Variants in CCDC170 observed in about 807,000 individuals in gnomAD.
CCDC170 encodes the protein coiled-coil domain-containing protein 170.
CCDC170 carries 69 observed loss-of-function variants against 72.6 expected under a neutral mutation model. The ratio of observed to expected loss-of-function variants is 0.95; its 90% confidence interval spans 0.78 to 1.16. The LOEUF (loss-of-function observed/expected upper bound fraction) is 1.16. Among genes scored for constraint, CCDC170 ranks in the 50% most tolerant of loss-of-function variants. CCDC170 has a pLI of 0.00. For synonymous variants in CCDC170, 300 were observed against 303.9 expected, an observed-to-expected ratio of 0.99 and a Z score of 0.13; for missense variants, 852 against 832.5, an observed-to-expected ratio of 1.02 and a Z score of -0.29.
intron 1 of CCDC170, 121 bp from the exon 2 acceptor site, chr6:151,536,197 A>T (rs1451236858): frequency 1.8e-6 from 2 of 1,135,124 alleles, no homozygotes. Context: ...TCTGCGTAGC[A>T]TGTTTGACAT....
Position 151,620,691 on chromosome 6 carries a change from C to T in CCDC170, c.*2544C>T, listed in dbSNP as rs957565067. On this transcript the variant is annotated 3_prime_UTR_variant, in exon 11 of 11. Coordinates refer to ENST00000239374, the MANE Select transcript of CCDC170 (RefSeq NM_025059.4). The stretch of plus-strand genomic sequence containing the variant: ...AGAGTGGAGATTGTTTTTGTACATT[C>T]TCTTTGTTTTCATTTTCCAAATATA... 3 of 152,054 alleles carry T rather than the reference C, an allele frequency of 2.0e-5. No homozygotes were observed. Among genetic ancestry groups the T allele is most frequent in the African/African-American group, 7.2e-5 (3 of 41,398 alleles). The allele number at this position is 152,054 out of a possible 1,614,324, so 9.4% of individuals were successfully genotyped here.
chr6:151,536,026 C>A (rs2115045570), intron 1 of CCDC170, among the ~76,000 whole-genome samples: 1 of 152,268 alleles, frequency 6.6e-6, no homozygotes, highest in East Asian at 1.9e-4. Context: ...TCCAAAAGGG[C>A]TAGGAGTATA....
At chr6:151,497,539 G>A (rs996418831) in intron 1 of CCDC170, among the ~76,000 whole-genome samples, 5 of 152,178 alleles carry the variant, frequency 3.3e-5, no homozygotes, top group African/African-American at 7.2e-5. Flanking sequence ...GATGGAAAAT[G>A]TGACAAATAC....
rs150929760 is a variant in CCDC170 at position 151,505,922 on chromosome 6, C to A, written c.57+11737C>A. Among the ~76,000 whole-genome samples, 879 of 152,066 alleles carry A rather than the reference C, an allele frequency of 5.8e-3. 9 individuals carry two copies. The highest frequency in any genetic ancestry group is 0.02 in the African/African-American group (838 of 41,476). On this transcript the variant is annotated intron_variant, in intron 1 of 10. Transcript: ENST00000239374. ...GACCAGCCTGAGCAACATAGTGAGA[C>A]CCCATCTCTACAAAAAAATTAAACA... is the stretch of plus-strand genomic sequence containing the variant.
chr6:151,583,738 G>A (rs555221221), intron 6 of CCDC170, among the ~76,000 whole-genome samples: 4 of 152,346 alleles, frequency 2.6e-5, no homozygotes, highest in African/African-American at 4.8e-5. Context: ...GATTACAGGC[G>A]TGAGCCACTA....
At chr6:151,594,555 C>T (rs1776592055) in intron 8 of CCDC170, among the ~76,000 whole-genome samples, 1 of 152,060 alleles carries the variant, frequency 6.6e-6, no homozygotes, top group Admixed American at 6.5e-5. Context: ...TTCTCAGTGT[C>T]CAACACCATT....
chr6:151,591,322 C>T (rs533912703), intron 7 of CCDC170, among the ~76,000 whole-genome samples: 36 of 152,274 alleles, frequency 2.4e-4, no homozygotes, highest in African/African-American at 8.7e-4. Flanking sequence ...ATTCATCCAG[C>T]AAGCACTTAG....
chr6:151,550,978 G>C (rs1483122947), intron 5 of CCDC170, among the ~76,000 whole-genome samples: 1 of 152,092 alleles, frequency 6.6e-6, no homozygotes, highest in African/African-American at 2.4e-5. Context: ...ATAGTATTAG[G>C]TTGGTGCAAA....
rs199826959 is a variant in CCDC170 at position 151,585,992 on chromosome 6, A to G, written c.1196A>G (p.Asn399Ser). ...CTCCAGAGGGCCCAGAAAGCAGAGA[A>G]TATGTTGGAGACTCTTCAGGGTCAG... ...KALQRAQKAE[N>S]MLETLQGQLT... Residue 399 changes from asparagine to serine, a missense_variant, in exon 7 of 11, where the codon AAT becomes AGT. Transcript: ENST00000239374. 976 of 1,614,190 alleles carry G rather than the reference A, an allele frequency of 6.0e-4. No homozygotes were observed. Among genetic ancestry groups the G allele is most frequent in the Non-Finnish European group, 8.1e-4 (950 of 1,180,030 alleles).
intron 9 of CCDC170, among the ~76,000 whole-genome samples, chr6:151,599,895 GAGTT>G (rs1776678443): frequency 6.6e-6 from 1 of 152,184 alleles, no homozygotes; most frequent in Non-Finnish European, 1.5e-5. Context: ...GAAAAGAAGA[GAGTT>G]AGGAAAGTAA....
intron 6 of CCDC170, among the ~76,000 whole-genome samples, chr6:151,576,046 C>T (rs531038740): frequency 1.2e-4 from 18 of 152,170 alleles, no homozygotes; most frequent in Admixed American, 5.9e-4. Context: ...ATTTCCAGCT[C>T]ATGAAAATTT....
At chr6:151,602,392 A>G (rs1043890906) in intron 9 of CCDC170, among the ~76,000 whole-genome samples, 2 of 152,228 alleles carry the variant, frequency 1.3e-5, no homozygotes, top group East Asian at 1.9e-4. Flanking sequence ...ATATCAGTTC[A>G]AAAATCAAAA....
At chr6:151,531,615 C>T (rs1002433636) in intron 1 of CCDC170, among the ~76,000 whole-genome samples, 11 of 152,080 alleles carry the variant, frequency 7.2e-5, no homozygotes, top group Non-Finnish European at 5.9e-5. Flanking sequence ...ACAAAATGTC[C>T]GTTATTGCTA....
chr6:151,573,056 A>G (rs987557845), intron 5 of CCDC170, 118 bp from the exon 6 acceptor site: 2 of 847,406 alleles, frequency 2.4e-6, no homozygotes, highest in African/African-American at 1.7e-5. Flanking sequence ...TGGAAGGAGT[A>G]ATTAACCCAA....
At chr6:151,498,343 GAGT>G (rs1781940987) in intron 1 of CCDC170, among the ~76,000 whole-genome samples, 3 of 152,164 alleles carry the variant, frequency 2.0e-5, no homozygotes, top group Admixed American at 2.0e-4. Context: ...AACTATAAAG[GAGT>G]TAAAGTCTGT....
At chr6:151,518,837 A>AG (rs1229809389) in intron 1 of CCDC170, among the ~76,000 whole-genome samples, 2 of 152,288 alleles carry the variant, frequency 1.3e-5, no homozygotes, top group East Asian at 3.9e-4. Context: ...GGACTTTAAA[A>AG]GGGGAAGGGG....
intron 5 of CCDC170, among the ~76,000 whole-genome samples, chr6:151,563,862 G>A (rs546754953): frequency 6.6e-6 from 1 of 152,250 alleles, no homozygotes; most frequent in Admixed American, 6.5e-5. Context: ...GTCAATCTCT[G>A]CCAGCCTCTT....
chr6:151,514,817 C>G (rs933397722), intron 1 of CCDC170, among the ~76,000 whole-genome samples: 7 of 152,192 alleles, frequency 4.6e-5, no homozygotes, highest in African/African-American at 1.2e-4. Flanking sequence ...CAGTGAGGAG[C>G]CTCTTGCTTC....
rs1307600689 is a variant in CCDC170 at position 151,615,636 on chromosome 6, C to CA, written c.1905dup (p.Leu636ThrfsTer37). On this transcript the variant is annotated frameshift_variant, in exon 10 of 11. Coordinates refer to ENST00000239374, the MANE Select transcript of CCDC170 (RefSeq NM_025059.4). LOFTEE classifies it high-confidence loss of function. ...GAAGTGGTAACCAGTGAAATGAAGA[C>CA]ACTAAAAAAATCTCTGGAAGAAGCA... 1 of 1,613,900 alleles carries CA rather than the reference C, an allele frequency of 6.2e-7. No homozygotes were observed.
Sources: gnomAD v4.1 joint callset for allele counts (sites outside exome capture counted in the v4.1 genomes callset) on GRCh38, gnomAD v4.1.1 for gene constraint, MANE v1.5 for transcripts, NCBI Gene and HGNC (gene_info 2026-07-23, HGNC 2026-07-21) for gene names.